Variants in NSD3 observed in about 807,000 individuals in gnomAD.
NSD3 encodes histone-lysine N-methyltransferase NSD3.
In NSD3, 24 loss-of-function variants were observed where a neutral mutation model predicts 160.8. The observed-to-expected ratio is 0.15, with a 90% CI of 0.11 to 0.21. The LOEUF (loss-of-function observed/expected upper bound fraction) is 0.21. Among genes scored for constraint, NSD3 ranks in the 10% least tolerant of loss-of-function variants. NSD3 has a pLI of 1.00. For missense variants in NSD3, 1,157 were observed against 1,735.9 expected, an observed-to-expected ratio of 0.67 and a Z score of 5.93; for synonymous variants, 520 against 600.0, an observed-to-expected ratio of 0.87 and a Z score of 1.95.
At chr8:38,356,123 T>C (rs1250007539) in intron 1 of NSD3, among the ~76,000 whole-genome samples, 1 of 152,248 alleles carries the variant, frequency 6.6e-6, no homozygotes, top group Non-Finnish European at 1.5e-5. Context: ...CATTCTAATA[T>C]GTACTTTCAA....
chr8:38,312,913 CAGGCAGCA>C (rs1452742393), intron 12 of NSD3, among the ~76,000 whole-genome samples: 1 of 152,082 alleles, frequency 6.6e-6, no homozygotes, highest in Non-Finnish European at 1.5e-5. Flanking sequence ...TTAAAGGGGC[CAGGCAGCA>C]TATATAAGTG....
intron 1 of NSD3, among the ~76,000 whole-genome samples, chr8:38,379,300 T>C (rs953401655): frequency 6.6e-6 from 1 of 151,978 alleles, no homozygotes; most frequent in African/African-American, 2.4e-5. Context: ...TTTTCTTTTT[T>C]TTTTTTTTAA....
intron 1 of NSD3, among the ~76,000 whole-genome samples, chr8:38,366,033 C>T (rs983931440): frequency 1.3e-5 from 2 of 150,254 alleles, no homozygotes; most frequent in African/African-American, 4.9e-5. Flanking sequence ...ATCATTTGAA[C>T]CTGGGAGGCG....
chr8:38,275,673 A>ATC lies in NSD3; in HGVS notation c.4281_4282insGA (p.Ser1428AspfsTer9). On this transcript the variant is annotated frameshift_variant, in exon 24 of 24. Transcript: ENST00000317025. LOFTEE classifies it high-confidence loss of function. ...TTTACTTCTTCTCCATGATCTTGTG[A>ATC]TTCCCATTTACATTTTATCTTGCTC... 1 of 1,614,154 alleles carries ATC rather than the reference A, an allele frequency of 6.2e-7. No individual in the cohort carries two copies. Among genetic ancestry groups the ATC allele is most frequent in the East Asian group, 2.2e-5 (1 of 44,890 alleles).
chr8:38,317,289 C>T lies in NSD3; in HGVS notation c.1856-1247G>A. 1.9e-6 allele frequency: 2 copies of T among 1,059,538 alleles called. No individual in the cohort carries two copies. The highest frequency in any genetic ancestry group is 2.3e-6 in the Non-Finnish European group (2 of 875,508). The allele number at this position is 1,059,538 out of a possible 1,614,324, so 65.6% of individuals were successfully genotyped here. On this transcript the variant is annotated intron_variant, in intron 9 of 23. Transcript: ENST00000317025. This position sits in a 1 kb window ranked among gnomAD's most constrained non-coding sequence, Gnocchi z 5.3. ...ACATCTATAAATGAGGGTGCCTGCCCATGTTAATGCTGATTAAAAAACACA... is the reference window on the plus strand; with the variant it reads ...ACATCTATAAATGAGGGTGCCTGCCTATGTTAATGCTGATTAAAAAACACA...
Position 38,301,883 on chromosome 8 carries a change from A to C in NSD3, c.2612-2293T>G, listed in dbSNP as rs1585868658. On this transcript the variant is annotated intron_variant, in intron 14 of 23. Coordinates refer to ENST00000317025, the MANE Select transcript of NSD3 (RefSeq NM_023034.2). ...TATTTACTGTTAAAATGAAAAGAAAACTCCAGCCTACATTATCCATTTAAA... is the reference window on the plus strand; with the variant it reads ...TATTTACTGTTAAAATGAAAAGAAACCTCCAGCCTACATTATCCATTTAAA... 1.3e-5 allele frequency among the ~76,000 whole-genome samples: 2 copies of C among 152,140 alleles called. 1 individual carries two copies. Among genetic ancestry groups the C allele is most frequent in the Admixed American group, 1.3e-4 (2 of 15,284 alleles).
rs922839769 is a variant in NSD3, at chr8:38,274,309, G to A, written c.*1332C>T. The A allele has an allele frequency of 7.2e-5, 11 of 152,278 alleles. No individual in the cohort carries two copies. Among genetic ancestry groups the A allele is most frequent in the African/African-American group, 2.4e-4 (10 of 41,556 alleles). 9.4% of individuals were successfully genotyped at this position (152,278 alleles called of 1,614,324 possible). ...GGTGAGCAGACATCTTGGTATACTC[G>A]CATCTATAAGAGTCAAGCATCACCA... On this transcript the variant is annotated 3_prime_UTR_variant, in exon 24 of 24. Coordinates refer to ENST00000317025, the MANE Select transcript of NSD3 (RefSeq NM_023034.2).
intron 13 of NSD3, among the ~76,000 whole-genome samples, 159 bp from the exon 14 acceptor site, chr8:38,304,916 T>G (rs929431959): frequency 6.6e-6 from 1 of 152,204 alleles, no homozygotes; most frequent in Non-Finnish European, 1.5e-5. Context: ...TCCTATGCTA[T>G]ATGGCCCCTA....
Position 38,349,692 on chromosome 8 carries a change from TG to T in NSD3, c.-44-1478del, listed in dbSNP as rs869281374. On this transcript the variant is annotated intron_variant, in intron 1 of 23. Coordinates refer to ENST00000317025, the MANE Select transcript of NSD3 (RefSeq NM_023034.2). ...ATATATATATATATATATATATATATGTATTTATTATACTTTAAGTTCTAGG... is the reference window on the plus strand; with the variant it reads ...ATATATATATATATATATATATATATTATTTATTATACTTTAAGTTCTAGG... Among the ~76,000 whole-genome samples the T allele has an allele frequency of 8.7e-3, 606 of 69,528 alleles. 19 individuals are homozygous for T. Among genetic ancestry groups the T allele is most frequent in the African/African-American group, 0.03 (584 of 19,734 alleles). The allele number at this position is 69,528 out of a possible 152,430, so 45.6% of individuals were successfully genotyped here. A position where few individuals can be genotyped will look rare whatever the true frequency, so the allele number is the denominator to read the frequency against.
Position 38,331,593 on chromosome 8 carries a change from TA to T in NSD3, c.911-9del. On this transcript the variant is annotated splice_polypyrimidine_tract_variant and intron_variant, in intron 4 of 23. Transcript: ENST00000317025. Reference sequence around the variant, plus strand: ...CATGATATTCTCGGGCACCTGTAAGTAAAAATTCTTATTAACCATTTCAGAA... The same window carrying T: ...CATGATATTCTCGGGCACCTGTAAGTAAAATTCTTATTAACCATTTCAGAA... 6.2e-7 allele frequency: 1 copy of T among 1,608,424 alleles called. No individual in the cohort carries two copies. Among genetic ancestry groups the T allele is most frequent in the African/African-American group, 1.3e-5 (1 of 74,698 alleles).
intron 23 of NSD3, 67 bp from the exon 24 acceptor site, chr8:38,275,949 G>T: frequency 7.2e-7 from 1 of 1,397,678 alleles, no homozygotes. Flanking sequence ...GATTACCCAT[G>T]AAAAACCCAG....
chr8:38,375,543 T>C (rs1037566257), intron 1 of NSD3, among the ~76,000 whole-genome samples: 1 of 152,278 alleles, frequency 6.6e-6, no homozygotes. Context: ...ATTACATATT[T>C]ACTAACAGCA....
At position 38,315,946 on chromosome 8, in the gene NSD3, G is replaced by T; in HGVS notation, c.1952C>A (p.Ser651Tyr). 6.2e-7 allele frequency: 1 copy of T among 1,613,854 alleles called. No individual in the cohort carries two copies. The highest frequency in any genetic ancestry group is 8.5e-7 in the Non-Finnish European group (1 of 1,179,998). ...ACTCAGTCCTCTAGAATCGGAGTCA[G>T]ATGTGTCTCTGTATGCTGAACTAGT... ...EMTSSAYRDTSDSDSRGLSDL... is the reference protein window; with the variant it reads ...EMTSSAYRDTYDSDSRGLSDL... Residue 651 changes from serine to tyrosine, a missense_variant, in exon 10 of 24, where the codon TCT (serine) becomes TAT (tyrosine). Transcript: ENST00000317025.
In NSD3 at chr8:38,305,317, C is replaced by G; in HGVS notation, c.2371G>C (p.Gly791Arg). The change falls in exon 13 of 24, where the codon GGA becomes CGA. Residue 791 changes from glycine to arginine, a missense_variant. Transcript: ENST00000317025. ...KFPTAIFESK[G>R]FRCPQHCCSA... is the part of the protein sequence containing the mutation. Reference sequence around the variant, plus strand: ...CAGCAGTGCTGAGGACAGCGGAATCCTTTTGATTCAAAGATGGCAGTGGGG... The same window carrying G: ...CAGCAGTGCTGAGGACAGCGGAATCGTTTTGATTCAAAGATGGCAGTGGGG... 6.2e-7 allele frequency: 1 copy of G among 1,614,138 alleles called. No individual in the cohort carries two copies. The highest frequency in any genetic ancestry group is 8.5e-7 in the Non-Finnish European group (1 of 1,180,024).
rs1308125209 is a variant in NSD3 at position 38,305,449 on chromosome 8, G to A, written c.2243-4C>T. On this transcript the variant is annotated splice_polypyrimidine_tract_variant and splice_region_variant and intron_variant, in intron 12 of 23. Transcript: ENST00000317025. Reference sequence around the variant, plus strand: ...CACGAAAAACATGGGTGCTGCCCTGGAAAATTGGTGAGGAATACAAATTAA... The same window carrying A: ...CACGAAAAACATGGGTGCTGCCCTGAAAAATTGGTGAGGAATACAAATTAA... 3.7e-6 allele frequency: 6 copies of A among 1,613,700 alleles called. No homozygotes were observed. The South Asian group carries it at 6.6e-5, about 18-fold the overall frequency.
chr8:38,271,776 A>G lies in NSD3; in HGVS notation c.*3865T>C, dbSNP rs912272741. Reference sequence around the variant, plus strand: ...TCCAATGTCCTTTTTCTCATATGGAAGTATAGAATGTCAGCTTCCCAGCTG... The same window carrying G: ...TCCAATGTCCTTTTTCTCATATGGAGGTATAGAATGTCAGCTTCCCAGCTG... On this transcript the variant is annotated 3_prime_UTR_variant, in exon 24 of 24. Coordinates refer to ENST00000317025, the MANE Select transcript of NSD3 (RefSeq NM_023034.2). The G allele has an allele frequency of 6.6e-6, 1 of 152,222 alleles. No homozygotes were observed. Among genetic ancestry groups the G allele is most frequent in the African/African-American group, 2.4e-5 (1 of 41,462 alleles). The allele number at this position is 152,222 out of a possible 1,614,324, so 9.4% of individuals were successfully genotyped here. A position where few individuals can be genotyped will look rare whatever the true frequency, so the allele number is the denominator to read the frequency against.
chr8:38,362,781 A>G (rs1035281838), intron 1 of NSD3, among the ~76,000 whole-genome samples: 1 of 152,240 alleles, frequency 6.6e-6, no homozygotes, highest in Non-Finnish European at 1.5e-5. Flanking sequence ...CTTTTGTATC[A>G]GTATACAAAA....
intron 16 of NSD3, among the ~76,000 whole-genome samples, chr8:38,292,625 A>G (rs1809024811): frequency 6.6e-6 from 1 of 151,822 alleles, no homozygotes; most frequent in Admixed American, 6.6e-5. Context: ...TACTAAAAAA[A>G]AAAAATACAA....
chr8:38,316,944 G>A lies in NSD3; in HGVS notation c.1856-902C>T, dbSNP rs961442046. On this transcript the variant is annotated intron_variant, in intron 9 of 23. Transcript: ENST00000317025. This position sits in a 1 kb window ranked among gnomAD's most constrained non-coding sequence, Gnocchi z 4.5. ...ACGATGAAATGTGCAGATCAGGCAC[G>A]GTGAATACCAAGGAACCAAGGAGAC... 3 of 1,061,380 alleles carry A rather than the reference G, an allele frequency of 2.8e-6. No individual in the cohort carries two copies. Among genetic ancestry groups the A allele is most frequent in the Non-Finnish European group, 2.3e-6 (2 of 876,688 alleles). The allele number at this position is 1,061,380 out of a possible 1,614,324, so 65.7% of individuals were successfully genotyped here. A position where few individuals can be genotyped will look rare whatever the true frequency, so the allele number is the denominator to read the frequency against.
Sources: allele counts gnomAD v4.1 joint callset (sites outside exome capture counted in the v4.1 genomes callset), GRCh38; gene constraint gnomAD v4.1.1; non-coding constraint Gnocchi (gnomAD v3.1); transcripts MANE v1.5; gene names NCBI Gene and HGNC (gene_info 2026-07-23, HGNC 2026-07-21).